MCUB: variants seen among roughly 807,000 people sequenced by gnomAD.
The protein encoded by MCUB is mitochondrial calcium uniporter dominant negative subunit beta, also known as calcium uniporter regulatory subunit MCUb, mitochondrial.
A neutral mutation model predicts 41.4 loss-of-function variants in MCUB; 46 were observed. The ratio of observed to expected loss-of-function variants is 1.11; its 90% CI spans 0.88 to 1.42. MCUB has a LOEUF of 1.42. MCUB is among the 40% of genes most tolerant of loss of function. The pLI, the probability that MCUB is intolerant of heterozygous loss-of-function variation, is 0.00. For synonymous variants in MCUB, 148 were observed against 148.2 expected (o/e 1.00, Z 0.01); for missense variants, 403 against 404.9 (o/e 1.00, Z 0.04).
chr4:109,562,571 T>C (rs569589118), intron 1 of MCUB, among the ~76,000 whole-genome samples: 62 of 152,354 alleles, frequency 4.1e-4, no homozygotes, highest in African/African-American at 1.5e-3. Flanking sequence ...TTATGAAATA[T>C]CCTGTGGGTA....
Position 109,688,272 on chromosome 4 carries a change from T to G in MCUB, c.*680T>G, listed in dbSNP as rs375955557. The G allele has an allele frequency of 2.6e-5, 4 of 152,366 alleles. No individual in the cohort carries two copies. The highest frequency in any genetic ancestry group is 2.0e-4 in the Admixed American group (3 of 15,304). The allele number at this position is 152,366 out of a possible 1,614,324, so 9.4% of individuals were successfully genotyped here. ...GTATTATTCAGATTCTATATCATAT[T>G]AATAAGAATTGAACCTTGAAAGTAA... On this transcript the variant is annotated 3_prime_UTR_variant, in exon 8 of 8. Transcript: ENST00000394650.
At chr4:109,573,568 G>A (rs1726963112) in intron 1 of MCUB, among the ~76,000 whole-genome samples, 1 of 152,124 alleles carries the variant, frequency 6.6e-6, no homozygotes, top group Non-Finnish European at 1.5e-5. Flanking sequence ...GTCCTGGCTT[G>A]GTAGTTGTGT....
chr4:109,608,807 G>A (rs1369876153), intron 1 of MCUB, among the ~76,000 whole-genome samples: 2 of 152,132 alleles, frequency 1.3e-5, no homozygotes, highest in Non-Finnish European at 2.9e-5. Context: ...GGCCTGAAGA[G>A]TTAGGTATTT....
intron 1 of MCUB, among the ~76,000 whole-genome samples, chr4:109,560,811 C>T (rs944134122): frequency 1.3e-5 from 2 of 152,082 alleles, no homozygotes; most frequent in Admixed American, 1.3e-4. Flanking sequence ...CGCTGCGCCG[C>T]GGGGCCGGTT....
At chr4:109,597,228 G>A (rs1012915985) in intron 1 of MCUB, among the ~76,000 whole-genome samples, 1 of 152,048 alleles carries the variant, frequency 6.6e-6, no homozygotes. Flanking sequence ...ATCCTGGCCC[G>A]TTCTCAATGA....
intron 1 of MCUB, among the ~76,000 whole-genome samples, chr4:109,568,988 T>C (rs1047001548): frequency 1.3e-5 from 2 of 152,238 alleles, no homozygotes; most frequent in East Asian, 1.9e-4. Flanking sequence ...TGAAGATTTT[T>C]TAAAAGTTAA....
rs550880107 is a variant in MCUB at position 109,671,386 on chromosome 4, G to A, written c.451+6992G>A. 5.9e-5 allele frequency among the ~76,000 whole-genome samples: 9 copies of A among 152,168 alleles called. No homozygotes were observed. In the South Asian group the frequency reaches 1.9e-3, roughly 32 times the overall value. ...GTTACACTTGTGCAATTGTCCCACA[G>A]TTCTTAGATATTTTGTTAGGTTTTT... On this transcript the variant is annotated intron_variant, in intron 4 of 7. Transcript: ENST00000394650.
At chr4:109,572,027 G>A (rs1307804032) in intron 1 of MCUB, among the ~76,000 whole-genome samples, 1 of 152,174 alleles carries the variant, frequency 6.6e-6, no homozygotes, top group Non-Finnish European at 1.5e-5. Context: ...TTTTGTTTTG[G>A]GGGTCACTGA....
chr4:109,586,903 A>G (rs1053332631), intron 1 of MCUB, among the ~76,000 whole-genome samples: 1 of 152,186 alleles, frequency 6.6e-6, no homozygotes, highest in Admixed American at 6.5e-5. Context: ...CAGTTAGGCT[A>G]CACGGAGGTC....
At chr4:109,560,720 G>T (rs1408374630) in intron 1 of MCUB, among the ~76,000 whole-genome samples, 1 of 152,172 alleles carries the variant, frequency 6.6e-6, no homozygotes, top group African/African-American at 2.4e-5. Context: ...GGGACCACCA[G>T]ACTTCGGCCT....
intron 1 of MCUB, among the ~76,000 whole-genome samples, chr4:109,586,856 A>ATGAG (rs1727318482): frequency 6.6e-6 from 1 of 152,104 alleles, no homozygotes; most frequent in South Asian, 2.1e-4. Context: ...AGCTGCCTAT[A>ATGAG]TGAGGTGTCA....
rs761255523 is a variant in MCUB, at chr4:109,660,343, A to AC, written c.324_325insC (p.Thr109HisfsTer25). On this transcript the variant is annotated frameshift_variant, in exon 3 of 8. Transcript: ENST00000394650. LOFTEE classifies it high-confidence loss of function. ...TACAAAATGAAGATAAGGGTATCAA[A>AC]ACTGCAGCCATCTTCACAGCAGGTA... The AC allele has an allele frequency of 6.2e-7, 1 of 1,605,688 alleles. No individual in the cohort carries two copies. The highest frequency in any genetic ancestry group is 8.5e-7 in the Non-Finnish European group (1 of 1,173,246).
chr4:109,674,751 A>G (rs1490995863), intron 4 of MCUB, among the ~76,000 whole-genome samples: 1 of 152,250 alleles, frequency 6.6e-6, no homozygotes, highest in Non-Finnish European at 1.5e-5. Flanking sequence ...GTAATTGCAA[A>G]TTATATTTTT....
chr4:109,687,365 AAT>A (rs1054937797), intron 7 of MCUB, 148 bp from the exon 8 acceptor site: 1 of 549,112 alleles, frequency 1.8e-6, no homozygotes, highest in Non-Finnish European at 3.2e-6. Context: ...TCTCAAGAAA[AAT>A]ATATATATAT....
At chr4:109,656,714 ATC>A (rs1185020349) in intron 1 of MCUB, among the ~76,000 whole-genome samples, 1 of 152,144 alleles carries the variant, frequency 6.6e-6, no homozygotes, top group East Asian at 1.9e-4. Flanking sequence ...ACAGAAAATT[ATC>A]TGTCTCATTA....
chr4:109,631,858 C>A (rs1370155144), intron 1 of MCUB, among the ~76,000 whole-genome samples: 1 of 152,174 alleles, frequency 6.6e-6, no homozygotes, highest in Non-Finnish European at 1.5e-5. Context: ...TCCCCACCTG[C>A]AGGCTGTTTC....
chr4:109,671,312 CT>C (rs1729453674), intron 4 of MCUB, among the ~76,000 whole-genome samples: 1 of 152,144 alleles, frequency 6.6e-6, no homozygotes, highest in African/African-American at 2.4e-5. Flanking sequence ...AATAGTGCTG[CT>C]TTTCCCTTCT....
chr4:109,666,039 C>T (rs565263372), intron 4 of MCUB, among the ~76,000 whole-genome samples: 7 of 151,886 alleles, frequency 4.6e-5, no homozygotes, highest in South Asian at 2.1e-4. Flanking sequence ...AGGGAGGAGA[C>T]GAGGCAGTAA....
chr4:109,643,377 G>T (rs1195932762), intron 1 of MCUB, among the ~76,000 whole-genome samples: 1 of 151,460 alleles, frequency 6.6e-6, no homozygotes, highest in Non-Finnish European at 1.5e-5. Context: ...CAAGGACGGG[G>T]TTTCAGTATG....
Sources: gnomAD v4.1 joint callset for allele counts (sites outside exome capture counted in the v4.1 genomes callset) on GRCh38, gnomAD v4.1.1 for gene constraint, MANE v1.5 for transcripts, NCBI Gene and HGNC (gene_info 2026-07-23, HGNC 2026-07-21) for gene names.